ATRNL1: variants seen among roughly 807,000 people sequenced by gnomAD.
ATRNL1 encodes attractin-like protein 1.
Under a neutral mutation model 182.7 loss-of-function variants are expected in ATRNL1, and 95 were observed. The observed-to-expected ratio is 0.52, with a 90% confidence interval of 0.44 to 0.62. The LOEUF is 0.62. Among genes scored for constraint, ATRNL1 ranks in the 20% least tolerant of loss-of-function variants. The pLI is 0.00. For missense variants in ATRNL1, 1,471 were observed against 1,679.5 expected (o/e 0.88, Z 2.17); for synonymous variants, 576 against 568.3 (o/e 1.01, Z -0.19).
intron 27 of ATRNL1, among the ~76,000 whole-genome samples, chr10:115,731,265 C>A (rs148127512): frequency 8.2e-4 from 125 of 152,284 alleles, no homozygotes; most frequent in African/African-American, 2.9e-3. Flanking sequence ...CAGGTGGGAT[C>A]GGTACCAATC....
chr10:115,294,321 G>A (rs1292076845), intron 15 of ATRNL1, among the ~76,000 whole-genome samples: 1 of 152,124 alleles, frequency 6.6e-6, no homozygotes, highest in African/African-American at 2.4e-5. Context: ...TCCCATCTCT[G>A]TTAAAAAAGA....
Position 115,478,146 on chromosome 10 carries a change from G to A in ATRNL1, c.3654+8817G>A, listed in dbSNP as rs1448183024. On this transcript the variant is annotated intron_variant, in intron 24 of 28. Transcript: ENST00000355044. ...ATGATAATATTGCCTACCTTTATTA[G>A]TTTTTCTTGCTGTGTAGCAAATTAT... Among the ~76,000 whole-genome samples, 4 of 151,718 alleles carry A rather than the reference G, an allele frequency of 2.6e-5. No homozygotes were observed. The East Asian group carries it at 7.8e-4, about 30-fold the overall frequency.
At chr10:115,108,223 C>T (rs1416833858) in intron 1 of ATRNL1, among the ~76,000 whole-genome samples, 3 of 152,152 alleles carry the variant, frequency 2.0e-5, no homozygotes, top group Admixed American at 6.5e-5. Context: ...AAAGTAGCCA[C>T]GCAGCTCTTT....
chr10:115,825,610 T>C (rs545300161), intron 27 of ATRNL1, among the ~76,000 whole-genome samples: 1 of 152,190 alleles, frequency 6.6e-6, no homozygotes, highest in East Asian at 1.9e-4. Context: ...CCCTTTGAGA[T>C]CTGTCCACAC....
intron 28 of ATRNL1, among the ~76,000 whole-genome samples, chr10:115,928,484 AT>A (rs1953300820): frequency 1.3e-5 from 2 of 152,056 alleles, no homozygotes; most frequent in Admixed American, 1.3e-4. Flanking sequence ...AGTCATTAAA[AT>A]GTAATTGTCT....
In ATRNL1 at chr10:115,120,285, A is replaced by C. The variant is rs2143619872; in HGVS notation, c.377+17A>C. 7.9e-7 allele frequency: 1 copy of C among 1,269,976 alleles called. No individual in the cohort carries two copies. The highest frequency in any genetic ancestry group is 1.1e-6 in the Non-Finnish European group (1 of 892,686). 78.7% of individuals were successfully genotyped at this position (1,269,976 alleles called of 1,614,324 possible). On this transcript the variant is annotated intron_variant, in intron 2 of 28. Coordinates refer to ENST00000355044, the MANE Select transcript of ATRNL1 (RefSeq NM_207303.4). The stretch of plus-strand genomic sequence containing the variant: ...TGAAGGCTAGTAAGTATACAGTCTG[A>C]GTCAAATTAATGTATTTTATTCTTA...
chr10:115,272,794 G>A (rs114794268), intron 13 of ATRNL1, among the ~76,000 whole-genome samples: 1,906 of 152,256 alleles, frequency 0.013, 37 homozygotes, highest in African/African-American at 0.043. Context: ...TATGAAACGA[G>A]TTGCTTGACA....
chr10:115,379,572 A>G (rs1405243673), intron 19 of ATRNL1, among the ~76,000 whole-genome samples: 1 of 152,234 alleles, frequency 6.6e-6, no homozygotes, highest in Non-Finnish European at 1.5e-5. Context: ...AACTCTGAAT[A>G]TGACAGTATT....
chr10:115,587,223 C>T (rs929549694), intron 26 of ATRNL1, among the ~76,000 whole-genome samples: 2 of 151,900 alleles, frequency 1.3e-5, no homozygotes, highest in Admixed American at 6.6e-5. Context: ...CTGTGCCCTG[C>T]CCCCAGAGGT....
chr10:115,786,102 C>A (rs1253999285), intron 27 of ATRNL1, among the ~76,000 whole-genome samples: 3 of 152,142 alleles, frequency 2.0e-5, no homozygotes, highest in African/African-American at 7.2e-5. Context: ...CCTTTTTGAA[C>A]CCTCACCAAA....
At chr10:115,675,782 A>G (rs1555042771) in intron 26 of ATRNL1, among the ~76,000 whole-genome samples, 1 of 152,130 alleles carries the variant, frequency 6.6e-6, no homozygotes, top group East Asian at 1.9e-4. Flanking sequence ...AGTCTTTTAC[A>G]TACTTTACAT....
intron 27 of ATRNL1, among the ~76,000 whole-genome samples, chr10:115,825,946 G>A (rs1038492329): frequency 1.3e-5 from 2 of 152,102 alleles, no homozygotes; most frequent in Admixed American, 6.5e-5. Context: ...GTGCACTGCT[G>A]AATGAATGAA....
At chr10:115,312,766 A>T (rs1244883349) in intron 17 of ATRNL1, among the ~76,000 whole-genome samples, 1 of 151,890 alleles carries the variant, frequency 6.6e-6, no homozygotes, top group African/African-American at 2.4e-5. Flanking sequence ...TGGCTGTTTT[A>T]CCTAATCTCA....
chr10:115,464,051 T>C (rs1847938756), intron 22 of ATRNL1, among the ~76,000 whole-genome samples: 1 of 152,016 alleles, frequency 6.6e-6, no homozygotes, highest in Non-Finnish European at 1.5e-5. Context: ...TTTCCAGCAA[T>C]CCCAAGTGCT....
chr10:115,493,226 A>G (rs751475107), intron 24 of ATRNL1, among the ~76,000 whole-genome samples: 2 of 152,122 alleles, frequency 1.3e-5, no homozygotes, highest in African/African-American at 2.4e-5. Flanking sequence ...GGTAATGAGC[A>G]TAGTACACAA....
intron 27 of ATRNL1, among the ~76,000 whole-genome samples, chr10:115,804,670 C>G (rs1232816222): frequency 6.6e-6 from 1 of 152,090 alleles, no homozygotes; most frequent in African/African-American, 2.4e-5. Context: ...GAGACACATG[C>G]GTACCACAAA....
At position 115,454,799 on chromosome 10, in the gene ATRNL1, G is replaced by GTGTGTA. The variant is rs1441858001; in HGVS notation, c.3323-7136_3323-7131dup. Among the ~76,000 whole-genome samples the GTGTGTA allele has an allele frequency of 4.6e-5, 7 of 152,166 alleles. No homozygotes were observed. In the East Asian group the frequency reaches 1.4e-3, roughly 29 times the overall value. ...TTCTAACAGATTTTTGTGTTTGTGT[G>GTGTGTA]TGTGTATGTGTGGAGCCTTTAGTAT... On this transcript the variant is annotated intron_variant, in intron 21 of 28. Transcript: ENST00000355044.
intron 19 of ATRNL1, among the ~76,000 whole-genome samples, chr10:115,382,441 A>G (rs921916127): frequency 1.3e-5 from 2 of 151,954 alleles, no homozygotes; most frequent in Non-Finnish European, 2.9e-5. Context: ...TTTTAATACT[A>G]TTTTATATGA....
At chr10:115,775,239 A>G (rs1555077580) in intron 27 of ATRNL1, among the ~76,000 whole-genome samples, 1 of 152,244 alleles carries the variant, frequency 6.6e-6, no homozygotes, top group Non-Finnish European at 1.5e-5. Context: ...TTGAATTTCA[A>G]TACTTAAGTT....
Sources: gnomAD v4.1 joint callset for allele counts (sites outside exome capture counted in the v4.1 genomes callset) on GRCh38, gnomAD v4.1.1 for gene constraint, MANE v1.5 for transcripts, NCBI Gene and HGNC (gene_info 2026-07-23, HGNC 2026-07-21) for gene names.